Variants in PCSK9 observed in about 807,000 individuals in gnomAD.
The protein encoded by PCSK9 is proprotein convertase subtilisin/kexin type 9, also known as convertase subtilisin/kexin type 9 preproprotein.
In PCSK9, 57 loss-of-function variants were observed where a neutral mutation model predicts 62.1. That is an observed-to-expected ratio of 0.92 (90% confidence interval 0.74 to 1.14). The LOEUF (loss-of-function observed/expected upper bound fraction) is 1.14, where lower values mean the gene tolerates loss of function less well. Among genes scored for constraint, PCSK9 ranks in the 50% most tolerant of loss-of-function variants. The probability of loss-of-function intolerance (pLI) is 0.00; values close to 1 mark genes in which losing one functional copy is unlikely to be tolerated. For missense variants in PCSK9, 870 were observed against 959.8 expected (o/e 0.91, Z 1.24); for synonymous variants, 387 against 409.4 (o/e 0.95, Z 0.66).
Position 55,058,028 on chromosome 1 carries a change from T to C in PCSK9, c.1181-8T>C. On this transcript the variant is annotated splice_polypyrimidine_tract_variant and splice_region_variant and intron_variant, in intron 7 of 11. Coordinates refer to ENST00000302118, the MANE Select transcript of PCSK9 (RefSeq NM_174936.4). ...ATCACCATCTTTCACCATTCACCCCTGCACCAGGCATTGCAGCCATGATGC... is the reference window on the plus strand; with the variant it reads ...ATCACCATCTTTCACCATTCACCCCCGCACCAGGCATTGCAGCCATGATGC... 2 of 1,613,652 alleles carry C rather than the reference T, an allele frequency of 1.2e-6. No homozygotes were observed. Among genetic ancestry groups the C allele is most frequent in the South Asian group, 2.2e-5 (2 of 91,086 alleles).
At chr1:55,048,150 A>C (rs557073832) in intron 3 of PCSK9, among the ~76,000 whole-genome samples, 1 of 152,152 alleles carries the variant, frequency 6.6e-6, no homozygotes, top group Non-Finnish European at 1.5e-5. Flanking sequence ...GGGGGGCTCC[A>C]GGGAGAAGCT....
chr1:55,056,516 C>T (rs1225551829), intron 6 of PCSK9, among the ~76,000 whole-genome samples: 4 of 152,220 alleles, frequency 2.6e-5, no homozygotes, highest in African/African-American at 9.6e-5. Context: ...GTACCCGCCC[C>T]CTCCCCATCT....
chr1:55,060,106 G>A (rs1644747644), intron 10 of PCSK9, among the ~76,000 whole-genome samples: 1 of 152,264 alleles, frequency 6.6e-6, no homozygotes, highest in Non-Finnish European at 1.5e-5. Flanking sequence ...AGGAAATGAT[G>A]AGTGCTAAGC....
intron 2 of PCSK9, 137 bp from the exon 3 acceptor site, chr1:55,046,386 C>A: frequency 7.6e-7 from 1 of 1,316,772 alleles, no homozygotes. Context: ...TCCTCCGGGG[C>A]ACTAGCAGGG....
chr1:55,053,292 C>T (rs1644689782), intron 5 of PCSK9, among the ~76,000 whole-genome samples: 1 of 152,130 alleles, frequency 6.6e-6, no homozygotes, highest in Non-Finnish European at 1.5e-5. Context: ...ATTTAGTCCA[C>T]CCAGCGGCCC....
chr1:55,054,539 G>A (rs1165287), intron 5 of PCSK9, among the ~76,000 whole-genome samples: 79,855 of 152,034 alleles, frequency 0.53, 23,458 homozygotes, highest in East Asian at 0.76. Context: ...TCCATCCTTG[G>A]CCACGGCTCC....
Position 55,040,696 on chromosome 1 carries a change from C to A in PCSK9, c.207+652C>A, listed in dbSNP as rs968399799. Among the ~76,000 whole-genome samples, 2 of 152,220 alleles carry A rather than the reference C, an allele frequency of 1.3e-5. No homozygotes were observed. The highest frequency in any genetic ancestry group is 2.9e-5 in the Non-Finnish European group (2 of 68,040). ...AGGGGAGAAGGGGCGGAGGTATTCT[C>A]GAGGCCCATTGGCGTCCTTTAGGAC... On this transcript the variant is annotated intron_variant, in intron 1 of 11. Coordinates refer to ENST00000302118, the MANE Select transcript of PCSK9 (RefSeq NM_174936.4). The surrounding 1 kb of genome is among the most constrained non-coding windows in gnomAD (Gnocchi z 4.1).
intron 2 of PCSK9, among the ~76,000 whole-genome samples, chr1:55,045,461 C>T (rs907320942): frequency 1.3e-5 from 2 of 152,148 alleles, no homozygotes; most frequent in African/African-American, 4.8e-5. Context: ...TACGGAAACT[C>T]GCTGAAGTGG....
In PCSK9 at chr1:55,064,774, A is replaced by AGAT. The variant is rs1341254105; in HGVS notation, c.*1191_*1193dup. Reference sequence around the variant, plus strand: ...GACCTGTTTTGCTTTTGTAACTTGAAGATATTTATTCTGGGTTTTGTAGCA... The same window carrying AGAT: ...GACCTGTTTTGCTTTTGTAACTTGAAGATGATATTTATTCTGGGTTTTGTAGCA... On this transcript the variant is annotated 3_prime_UTR_variant, in exon 12 of 12. Transcript: ENST00000302118. 1 of 152,180 alleles carries AGAT rather than the reference A, an allele frequency of 6.6e-6. No individual in the cohort carries two copies. Among genetic ancestry groups the AGAT allele is most frequent in the Non-Finnish European group, 1.5e-5 (1 of 68,032 alleles). The allele number at this position is 152,180 out of a possible 1,614,324, so 9.4% of individuals were successfully genotyped here.
At chr1:55,044,246 C>T (rs568542368) in intron 2 of PCSK9, among the ~76,000 whole-genome samples, 1 of 152,202 alleles carries the variant, frequency 6.6e-6, no homozygotes, top group African/African-American at 2.4e-5. Flanking sequence ...CGTCTATCTT[C>T]ATTTGAAAGA....
In PCSK9 at chr1:55,039,772, G is replaced by A; in HGVS notation, c.-66G>A. The A allele has an allele frequency of 1.9e-6, 3 of 1,545,232 alleles. No individual in the cohort carries two copies. Among genetic ancestry groups the A allele is most frequent in the Non-Finnish European group, 2.6e-6 (3 of 1,138,472 alleles). ...TCCCCACCGCAAGGCTCAAGGCGCC[G>A]CCGGCGTGGACCGCGCACGGCCTCT... On this transcript the variant is annotated 5_prime_UTR_variant, in exon 1 of 12. Transcript: ENST00000302118.
In PCSK9 at chr1:55,057,955, C is replaced by T. The variant is rs570552729; in HGVS notation, c.1181-81C>T. 5.7e-5 allele frequency: 88 copies of T among 1,550,010 alleles called. 1 individual carries two copies. Among genetic ancestry groups the T allele is most frequent in the Admixed American group, 4.3e-4 (26 of 59,888 alleles). ...ACGTGTGTTTGTGTGTATGTGTGTGCGTGTGTGCACTGGCAGGAGTCCCCT... is the reference window on the plus strand; with the variant it reads ...ACGTGTGTTTGTGTGTATGTGTGTGTGTGTGTGCACTGGCAGGAGTCCCCT... On this transcript the variant is annotated intron_variant, in intron 7 of 11. Transcript: ENST00000302118.
chr1:55,054,773 A>G (rs972968810), intron 5 of PCSK9, among the ~76,000 whole-genome samples: 127 of 152,178 alleles, frequency 8.3e-4, no homozygotes, highest in Non-Finnish European at 1.1e-3. Flanking sequence ...TGGGAGGGCA[A>G]GGCGGGAGGA....
chr1:55,057,635 T>G (rs1644725423), intron 7 of PCSK9, 121 bp downstream of exon 7: 2 of 1,217,508 alleles, frequency 1.6e-6, no homozygotes, highest in African/African-American at 3.0e-5. Flanking sequence ...GAAGTAGGCC[T>G]GATGGTGCCT....
At chr1:55,052,021 G>GGT in intron 3 of PCSK9, 3 of 555,290 alleles carry the variant, frequency 5.4e-6, no homozygotes, top group Non-Finnish European at 9.7e-6. Context: ...AGGATGACTT[G>GGT]GGTCCTTCTT....
intron 3 of PCSK9, chr1:55,050,887 G>C (rs1400580860): frequency 9.2e-6 from 3 of 327,368 alleles, no homozygotes; most frequent in Non-Finnish European, 1.8e-5. Context: ...ATCTCAAGAT[G>C]GCATCATCTG....
In PCSK9 at chr1:55,046,658, A is replaced by G; in HGVS notation, c.523+12A>G. 1 of 1,612,220 alleles carries G rather than the reference A, an allele frequency of 6.2e-7. No homozygotes were observed. Among genetic ancestry groups the G allele is most frequent in the Middle Eastern group, 1.7e-4 (1 of 6,054 alleles). ...ATACCAGCCCCCCGGTAAGACCCCCATCTGTGCCCTGCCCCACCCCATCTG... is the reference window on the plus strand; with the variant it reads ...ATACCAGCCCCCCGGTAAGACCCCCGTCTGTGCCCTGCCCCACCCCATCTG... On this transcript the variant is annotated intron_variant, in intron 3 of 11. Transcript: ENST00000302118.
intron 2 of PCSK9, among the ~76,000 whole-genome samples, chr1:55,045,925 G>C (rs1454558073): frequency 6.8e-6 from 1 of 146,728 alleles, no homozygotes; most frequent in Non-Finnish European, 1.5e-5. Flanking sequence ...GGCCAGGCTG[G>C]TCTCGAACTC....
intron 5 of PCSK9, 135 bp downstream of exon 5, chr1:55,052,926 C>T: frequency 6.9e-7 from 1 of 1,459,250 alleles, no homozygotes; most frequent in Non-Finnish European, 9.4e-7. Flanking sequence ...GCCAGAGAAC[C>T]AGAGTGCCAA....
Sources: gnomAD v4.1 joint callset for allele counts (sites outside exome capture counted in the v4.1 genomes callset) on GRCh38, gnomAD v4.1.1 for gene constraint, Gnocchi (gnomAD v3.1) non-coding constraint, MANE v1.5 for transcripts, NCBI Gene and HGNC (gene_info 2026-07-23, HGNC 2026-07-21) for gene names.